The following GLI2 variants were observed in gnomAD, a reference collection of about 807,000 sequenced individuals.
GLI2 encodes transcription activator GLI2.
In GLI2, 22 loss-of-function variants were observed where a neutral mutation model predicts 78.9. That is an observed-to-expected ratio of 0.28 (90% CI 0.20 to 0.40). The LOEUF (loss-of-function observed/expected upper bound fraction) is 0.40, where lower values mean the gene tolerates loss of function less well. Among genes scored for constraint, GLI2 ranks in the 10% least tolerant of loss-of-function variants. The probability of loss-of-function intolerance (pLI) is 1.00; values close to 1 mark genes in which losing one functional copy is unlikely to be tolerated. For synonymous variants in GLI2, 974 were observed against 963.7 expected (o/e 1.01, Z -0.20); for missense variants, 2,097 against 2,213.2 (o/e 0.95, Z 1.05).
chr2:120,901,889 G>C (rs988309195), intron 2 of GLI2, among the ~76,000 whole-genome samples: 1 of 152,058 alleles, frequency 6.6e-6, no homozygotes, highest in Non-Finnish European at 1.5e-5. Flanking sequence ...TTCAGCATTG[G>C]GTATTCTCAT....
intron 3 of GLI2, among the ~76,000 whole-genome samples, chr2:120,935,633 G>A (rs780155249): frequency 8.5e-5 from 13 of 152,174 alleles, no homozygotes; most frequent in African/African-American, 3.1e-4. Context: ...TGGGGAAACC[G>A]AGGCATGGGG....
chr2:120,848,079 A>G (rs977927324), intron 2 of GLI2, among the ~76,000 whole-genome samples: 2 of 152,228 alleles, frequency 1.3e-5, no homozygotes, highest in South Asian at 2.1e-4. Flanking sequence ...GAAGGCATGA[A>G]TAATGCAGGC....
intron 3 of GLI2, among the ~76,000 whole-genome samples, chr2:120,930,766 ACAG>A (rs1415005565): frequency 1.3e-5 from 2 of 152,238 alleles, no homozygotes; most frequent in African/African-American, 4.8e-5. Flanking sequence ...AGCCCTGGCT[ACAG>A]GCAGAGCCCC....
At chr2:120,857,260 G>GACTA (rs1687688085) in intron 2 of GLI2, among the ~76,000 whole-genome samples, 1 of 151,994 alleles carries the variant, frequency 6.6e-6, no homozygotes, top group African/African-American at 2.4e-5. Flanking sequence ...GAAATATCCT[G>GACTA]ACTAGAGAGC....
At chr2:120,894,435 A>G (rs901682413) in intron 2 of GLI2, among the ~76,000 whole-genome samples, 12 of 152,132 alleles carry the variant, frequency 7.9e-5, no homozygotes, top group African/African-American at 2.9e-4. Flanking sequence ...GAGTATACGC[A>G]GCCTGGGAGT....
chr2:120,978,450 A>C lies in GLI2; in HGVS notation c.1334A>C (p.His445Pro). ...CTCCGGCAGCACATCAACAACGAGC[A>C]CATCCACGGGGAGAAGAAGGAGTTT... ...EQLVHHINNE[H>P]IHGEKKEFVC... The change falls in exon 10 of 14, where the codon CAC becomes CCC. Residue 445 changes from histidine to proline, a missense_variant. Coordinates refer to ENST00000361492, the MANE Select transcript of GLI2 (RefSeq NM_001374353.1). 6.2e-7 allele frequency: 1 copy of C among 1,614,190 alleles called. No homozygotes were observed. The highest frequency in any genetic ancestry group is 8.5e-7 in the Non-Finnish European group (1 of 1,180,024).
chr2:120,841,370 G>C (rs563464988), intron 2 of GLI2, among the ~76,000 whole-genome samples: 1 of 152,358 alleles, frequency 6.6e-6, no homozygotes, highest in East Asian at 1.9e-4. Context: ...CTAGTGAAGA[G>C]AGAGGAGAGG....
At chr2:120,903,889 G>A (rs1230172159) in intron 2 of GLI2, among the ~76,000 whole-genome samples, 1 of 152,150 alleles carries the variant, frequency 6.6e-6, no homozygotes, top group Non-Finnish European at 1.5e-5. Context: ...TGAAGCGGGC[G>A]GGTGACTGTG....
intron 4 of GLI2, among the ~76,000 whole-genome samples, chr2:120,954,821 C>T (rs1025337163): frequency 4.6e-5 from 7 of 152,206 alleles, no homozygotes; most frequent in African/African-American, 1.7e-4. Context: ...CGATCTCACC[C>T]TGAATGTTCA....
Position 120,970,721 on chromosome 2 carries a change from C to A in GLI2, c.1059+115C>A. On this transcript the variant is annotated intron_variant, in intron 7 of 13. Coordinates refer to ENST00000361492, the MANE Select transcript of GLI2 (RefSeq NM_001374353.1). ...GAGGGCCTCTGGATTTACGTCTGGC[C>A]GCTAGGGTGCCTTCTGGGCAGAGGC... The A allele has an allele frequency of 4.5e-6, 4 of 882,504 alleles. No individual in the cohort carries two copies. In the South Asian group the frequency reaches 5.8e-5, roughly 13 times the overall value. 54.7% of individuals were successfully genotyped at this position (882,504 alleles called of 1,614,324 possible).
chr2:120,895,172 G>A (rs968218237), intron 2 of GLI2, among the ~76,000 whole-genome samples: 3 of 152,174 alleles, frequency 2.0e-5, no homozygotes, highest in Non-Finnish European at 2.9e-5. Flanking sequence ...CCTTTCCAGC[G>A]TTTGCAGCCA....
At chr2:120,758,020 TA>T (rs1393843996) in intron 1 of GLI2, among the ~76,000 whole-genome samples, 3 of 152,224 alleles carry the variant, frequency 2.0e-5, no homozygotes, top group Non-Finnish European at 2.9e-5. Flanking sequence ...TTTCTGATTT[TA>T]AGTGGTGTGA....
At chr2:120,870,520 GAA>G (rs1255723784) in intron 2 of GLI2, among the ~76,000 whole-genome samples, 2 of 152,214 alleles carry the variant, frequency 1.3e-5, no homozygotes, top group Non-Finnish European at 2.9e-5. Flanking sequence ...GGGAATTGGT[GAA>G]AGAGATTGGA....
chr2:120,918,478 T>C (rs964266550), intron 2 of GLI2, among the ~76,000 whole-genome samples: 1 of 150,626 alleles, frequency 6.6e-6, no homozygotes, highest in African/African-American at 2.4e-5. Context: ...CCTCTCTCTG[T>C]CTCCCAGGCT....
intron 2 of GLI2, among the ~76,000 whole-genome samples, chr2:120,844,580 T>C (rs1440364733): frequency 6.6e-6 from 1 of 152,124 alleles, no homozygotes; most frequent in Non-Finnish European, 1.5e-5. Context: ...AATGGGAAGG[T>C]TGGACTATGG....
At chr2:120,824,101 C>G (rs1685918501) in intron 2 of GLI2, among the ~76,000 whole-genome samples, 1 of 152,114 alleles carries the variant, frequency 6.6e-6, no homozygotes, top group South Asian at 2.1e-4. Context: ...TGGGGGGATT[C>G]CGTTGGGATG....
At chr2:120,948,377 GC>G (rs1558906096) in intron 3 of GLI2, among the ~76,000 whole-genome samples, 1 of 152,182 alleles carries the variant, frequency 6.6e-6, no homozygotes, top group East Asian at 1.9e-4. Context: ...GGAAAAGGCT[GC>G]CCTGGGCTAC....
chr2:120,776,511 T>C (rs1683681344), intron 1 of GLI2, among the ~76,000 whole-genome samples: 1 of 152,150 alleles, frequency 6.6e-6, no homozygotes, highest in South Asian at 2.1e-4. Context: ...TCGAGCCCTT[T>C]CCTTGCCCTA....
In GLI2 at chr2:120,986,638, A is replaced by T; in HGVS notation, c.2242+24A>T. The T allele has an allele frequency of 1.9e-6, 3 of 1,598,762 alleles. 1 individual carries two copies. In the South Asian group the frequency reaches 3.3e-5, roughly 18 times the overall value. On this transcript the variant is annotated intron_variant, in intron 13 of 13. Transcript: ENST00000361492. ...TGGTGAGTAAAGGCCTGGGGTTTGC[A>T]GATGGGGCAGAAGAGAGTCTGGGGC...
Sources: allele counts gnomAD v4.1 joint callset (sites outside exome capture counted in the v4.1 genomes callset), GRCh38; gene constraint gnomAD v4.1.1; transcripts MANE v1.5; gene names NCBI Gene and HGNC (gene_info 2026-07-23, HGNC 2026-07-21).